Variants in BAHD1 observed in about 807,000 individuals in gnomAD.
BAHD1 encodes the protein bromo adjacent homology domain containing 1.
A neutral mutation model predicts 63.1 loss-of-function variants in BAHD1; 20 were observed. That is an observed-to-expected ratio of 0.32 (90% confidence interval 0.22 to 0.46). The LOEUF (loss-of-function observed/expected upper bound fraction) is 0.46, where lower values mean the gene tolerates loss of function less well. Among genes scored for constraint, BAHD1 ranks in the 20% least tolerant of loss-of-function variants. The probability of loss-of-function intolerance (pLI) is 1.00; values close to 1 mark genes in which losing one functional copy is unlikely to be tolerated. For missense variants in BAHD1, 939 were observed against 1,071.8 expected, an observed-to-expected ratio of 0.88 and a Z score of 1.73; for synonymous variants, 408 against 426.8, an observed-to-expected ratio of 0.96 and a Z score of 0.54.
rs1566965055 is a variant in BAHD1 at position 40,462,092 on chromosome 15, G to GCGCCAA, written c.1614_1619dup (p.Ala539_Lys540insAsnAla). 6.2e-7 allele frequency: 1 copy of GCGCCAA among 1,613,402 alleles called. No individual in the cohort carries two copies. Among genetic ancestry groups the GCGCCAA allele is most frequent in the Non-Finnish European group, 8.5e-7 (1 of 1,180,004 alleles). On this transcript the variant is annotated inframe_insertion, in exon 3 of 7. Coordinates refer to ENST00000416165, the MANE Select transcript of BAHD1 (RefSeq NM_014952.5). Reference sequence around the variant, plus strand: ...ACAGTAGCCCGTGCGTGCCCTCAGAGCGCCAAACCTCCCAGCGGTTCTAAG... The same window carrying GCGCCAA: ...ACAGTAGCCCGTGCGTGCCCTCAGAGCGCCAACGCCAAACCTCCCAGCGGTTCTAAG...
chr15:40,439,458 C>T (rs1256481123), upstream of BAHD1, among the ~76,000 whole-genome samples: 1 of 152,186 alleles, frequency 6.6e-6, no homozygotes, highest in African/African-American at 2.4e-5. Flanking sequence ...AAAGGCTGGG[C>T]GCTGTGTGTG....
intron 2 of BAHD1, among the ~76,000 whole-genome samples, chr15:40,461,657 G>C (rs532543672): frequency 6.6e-6 from 1 of 151,818 alleles, no homozygotes; most frequent in Non-Finnish European, 1.5e-5. Flanking sequence ...AAAAAAGTTC[G>C]GAGTTAAAAA....
intron 1 of BAHD1, among the ~76,000 whole-genome samples, chr15:40,448,975 T>G (rs938651460): frequency 6.6e-6 from 1 of 152,134 alleles, no homozygotes; most frequent in Non-Finnish European, 1.5e-5. Context: ...CAGCTAATTT[T>G]TGTATTTTTA....
At chr15:40,460,541 T>C (rs1894008828) in intron 2 of BAHD1, among the ~76,000 whole-genome samples, 1 of 152,150 alleles carries the variant, frequency 6.6e-6, no homozygotes, top group East Asian at 1.9e-4. Context: ...TGGAATGCGA[T>C]CAGGGCCCAC....
chr15:40,454,807 G>A (rs559030956), intron 1 of BAHD1, among the ~76,000 whole-genome samples: 30 of 152,290 alleles, frequency 2.0e-4, no homozygotes, highest in African/African-American at 6.0e-4. Flanking sequence ...TGGATAGTGC[G>A]TAATTGGGAG....
At chr15:40,454,268 A>G (rs955463462) in intron 1 of BAHD1, 10 of 152,588 alleles carry the variant, frequency 6.6e-5, no homozygotes, top group Admixed American at 2.0e-4. Context: ...TCAGCCCGGC[A>G]TGAAGCACCT....
intron 1 of BAHD1, among the ~76,000 whole-genome samples, chr15:40,448,805 C>T (rs1335352593): frequency 6.6e-6 from 1 of 151,476 alleles, no homozygotes; most frequent in Non-Finnish European, 1.5e-5. Flanking sequence ...AGGTGTGAGC[C>T]ACCACGCCCA....
intron 1 of BAHD1, among the ~76,000 whole-genome samples, chr15:40,457,408 T>C (rs957681252): frequency 2.6e-5 from 4 of 151,918 alleles, no homozygotes; most frequent in African/African-American, 9.7e-5. Flanking sequence ...TTCTCCACCA[T>C]GGGCCCCTCA....
In BAHD1 at chr15:40,462,092, G is replaced by T. The variant is rs1332835458; in HGVS notation, c.1613G>T (p.Ser538Ile). The change falls in exon 3 of 7, where the codon AGC becomes ATC. Residue 538 changes from serine to isoleucine, a missense_variant. By Grantham distance (142) the Ser-to-Ile change is moderately radical. Coordinates refer to ENST00000416165, the MANE Select transcript of BAHD1 (RefSeq NM_014952.5). ...PQTVARACPQ[S>I]AKPPSGSKSG... ...ACAGTAGCCCGTGCGTGCCCTCAGAGCGCCAAACCTCCCAGCGGTTCTAAG... is the reference window on the plus strand; with the variant it reads ...ACAGTAGCCCGTGCGTGCCCTCAGATCGCCAAACCTCCCAGCGGTTCTAAG... 2 of 1,613,284 alleles carry T rather than the reference G, an allele frequency of 1.2e-6. No individual in the cohort carries two copies. The highest frequency in any genetic ancestry group is 1.7e-6 in the Non-Finnish European group (2 of 1,180,012).
chr15:40,456,323 A>C (rs1239088193), intron 1 of BAHD1, among the ~76,000 whole-genome samples: 2 of 152,156 alleles, frequency 1.3e-5, no homozygotes, highest in East Asian at 3.9e-4. Flanking sequence ...GGTCACCCTG[A>C]TTAGAAGCAG....
At chr15:40,463,246 A>G (rs532034744) in intron 3 of BAHD1, among the ~76,000 whole-genome samples, 1 of 152,270 alleles carries the variant, frequency 6.6e-6, no homozygotes, top group East Asian at 1.9e-4. Flanking sequence ...TTGAGGCTGC[A>G]GTGAACTATG....
intron 3 of BAHD1, among the ~76,000 whole-genome samples, chr15:40,462,772 C>T (rs764066437): frequency 2.0e-5 from 3 of 152,034 alleles, no homozygotes; most frequent in South Asian, 2.1e-4. Context: ...GTGGTAAGAT[C>T]GCATGAGGCC....
At chr15:40,457,424 G>A (rs1309025379) in intron 1 of BAHD1, among the ~76,000 whole-genome samples, 1 of 151,832 alleles carries the variant, frequency 6.6e-6, no homozygotes, top group African/African-American at 2.4e-5. Flanking sequence ...CCTCAAAGCT[G>A]AGACCTCTCC....
chr15:40,448,660 C>T (rs1246933654), intron 1 of BAHD1, among the ~76,000 whole-genome samples: 1 of 152,136 alleles, frequency 6.6e-6, no homozygotes, highest in African/African-American at 2.4e-5. Context: ...CCTCAGCCTC[C>T]TAAGTAGCTG....
chr15:40,457,993 C>T (rs952522646), intron 1 of BAHD1, among the ~76,000 whole-genome samples: 3 of 151,960 alleles, frequency 2.0e-5, no homozygotes, highest in East Asian at 3.9e-4. Context: ...AGCGAGACTC[C>T]GTCTCTCAAA....
Position 40,458,360 on chromosome 15 carries a change from C to T in BAHD1, c.-14-91C>T, listed in dbSNP as rs1893909631. The T allele has an allele frequency of 1.4e-6, 2 of 1,477,620 alleles. No homozygotes were observed. Among genetic ancestry groups the T allele is most frequent in the East Asian group, 4.6e-5 (2 of 43,338 alleles). 91.5% of individuals were successfully genotyped at this position (1,477,620 alleles called of 1,614,324 possible). A position where few individuals can be genotyped will look rare whatever the true frequency, so the allele number is the denominator to read the frequency against. Reference sequence around the variant, plus strand: ...GGGTAGTTGTAGGCCAGGATCACTGCACCTGGGGCTGGGTAGGCTGCAGTG... The same window carrying T: ...GGGTAGTTGTAGGCCAGGATCACTGTACCTGGGGCTGGGTAGGCTGCAGTG... On this transcript the variant is annotated intron_variant, in intron 1 of 6. Transcript: ENST00000416165. This position sits in a 1 kb window ranked among gnomAD's most constrained non-coding sequence, Gnocchi z 4.7.
chr15:40,459,852 G>T lies in BAHD1; in HGVS notation c.1388G>T (p.Gly463Val). The change falls in exon 2 of 7, where the codon GGC (glycine) becomes GTC (valine). Residue 463 changes from glycine (G) to valine (V), a missense_variant. Around this residue, in one of 5 missense-constraint regions of BAHD1, gnomAD observed 797 missense variants for 813.3 expected, o/e 0.98. Coordinates refer to ENST00000416165, the MANE Select transcript of BAHD1 (RefSeq NM_014952.5). ...TTGCCCCTGTCTGTTACCCACGCTGGCACTACCTGTGGCGGCTGCCCATAC... is the reference window on the plus strand; with the variant it reads ...TTGCCCCTGTCTGTTACCCACGCTGTCACTACCTGTGGCGGCTGCCCATAC... ...GVLPLSVTHA[G>V]TTCGGCPYKM... is the part of the protein sequence containing the mutation. The T allele has an allele frequency of 1.9e-6, 3 of 1,604,364 alleles. No homozygotes were observed. In the South Asian group the frequency reaches 3.3e-5, roughly 18 times the overall value.
At position 40,459,242 on chromosome 15, in the gene BAHD1, G is replaced by T. The variant is rs1391314537; in HGVS notation, c.778G>T (p.Ala260Ser). The change falls in exon 2 of 7, where the codon GCT becomes TCT. Residue 260 changes from alanine (A) to serine (S), a missense_variant. This residue lies in a region of BAHD1 where 797 missense variants were observed against 813.3 expected (regional missense o/e 0.98). Coordinates refer to ENST00000416165, the MANE Select transcript of BAHD1 (RefSeq NM_014952.5). ...GGTCAATGGCAAGAACTATCCCAAG[G>T]CTTGGCAGGGGGCCAGCTCTGGGGA... ...PKVNGKNYPK[A>S]WQGASSGEAA... The T allele has an allele frequency of 1.9e-6, 3 of 1,612,452 alleles. No homozygotes were observed. The highest frequency in any genetic ancestry group is 2.7e-5 in the African/African-American group (2 of 74,946).
upstream of BAHD1, among the ~76,000 whole-genome samples, chr15:40,440,907 G>C (rs1893377342): frequency 3.9e-5 from 6 of 152,148 alleles, no homozygotes; most frequent in South Asian, 1.2e-3. Context: ...TGATTGGCTG[G>C]GGACGAGGAA....
Sources: allele counts gnomAD v4.1 joint callset (sites outside exome capture counted in the v4.1 genomes callset), GRCh38; gene constraint gnomAD v4.1.1; regional missense constraint gnomAD v4.1.1; non-coding constraint Gnocchi (gnomAD v3.1); transcripts MANE v1.5; gene names NCBI Gene and HGNC (gene_info 2026-07-23, HGNC 2026-07-21).